TXNDC12: variants seen among roughly 807,000 people sequenced by gnomAD.
TXNDC12 encodes thioredoxin domain containing 12.
A neutral mutation model predicts 24.2 loss-of-function variants in TXNDC12; 22 were observed. The ratio of observed to expected loss-of-function variants is 0.91; its 90% confidence interval spans 0.65 to 1.30. The LOEUF is 1.30. Ranked by LOEUF, TXNDC12 falls within the 50% of genes most tolerant of loss-of-function variation. TXNDC12 has a pLI of 0.00. For synonymous variants in TXNDC12, 58 were observed against 73.4 expected (o/e 0.79, Z 1.07); for missense variants, 184 against 205.8 (o/e 0.89, Z 0.65).
rs1170621660 is a variant in TXNDC12 at position 52,034,146 on chromosome 1, A to T, written c.159-5516T>A. On this transcript the variant is annotated intron_variant, in intron 2 of 6. Transcript: ENST00000371626. ...GGTTCTCCTTCATTCCTCCTCTTAA[A>T]CCTACTGGCTCTCAGTAAATGTTTA... 46 of 925,850 alleles carry T rather than the reference A, an allele frequency of 5.0e-5. No homozygotes were observed. The East Asian group carries it at 1.5e-3, about 30-fold the overall frequency. The allele number at this position is 925,850 out of a possible 1,614,324, so 57.4% of individuals were successfully genotyped here. A position where few individuals can be genotyped will look rare whatever the true frequency, so the allele number is the denominator to read the frequency against.
At chr1:52,038,558 C>G (rs1424920188) in intron 2 of TXNDC12, among the ~76,000 whole-genome samples, 6 of 152,114 alleles carry the variant, frequency 3.9e-5, no homozygotes. Context: ...ATGATCCACC[C>G]GCCTTGGACT....
intron 1 of TXNDC12, among the ~76,000 whole-genome samples, chr1:52,052,987 T>C (rs1426294769): frequency 1.3e-5 from 2 of 151,804 alleles, no homozygotes; most frequent in Non-Finnish European, 2.9e-5. Flanking sequence ...CTCCCGCCTA[T>C]AATCCCAATA....
chr1:52,048,175 G>GCATA (rs1398575916), intron 1 of TXNDC12, among the ~76,000 whole-genome samples: 1 of 152,098 alleles, frequency 6.6e-6, no homozygotes, highest in African/African-American at 2.4e-5. Flanking sequence ...GCTTATAAAA[G>GCATA]CATACCTAGC....
chr1:52,046,894 T>TATATATATATATATA (rs1686106030), intron 1 of TXNDC12, among the ~76,000 whole-genome samples: 1 of 144,902 alleles, frequency 6.9e-6, no homozygotes, highest in African/African-American at 2.6e-5. Flanking sequence ...TATATATATA[T>TATATATATATATATA]TAGCCGGGTA....
intron 2 of TXNDC12, chr1:52,033,210 A>C: frequency 6.2e-7 from 1 of 1,614,188 alleles, no homozygotes; most frequent in Non-Finnish European, 8.5e-7. Flanking sequence ...CAAGAGCTGG[A>C]GACTCCGCAG....
intron 2 of TXNDC12, among the ~76,000 whole-genome samples, chr1:52,036,835 A>G (rs1685891499): frequency 6.6e-6 from 1 of 152,144 alleles, no homozygotes; most frequent in Non-Finnish European, 1.5e-5. Context: ...TTAGCTCTTG[A>G]ATTTATCCAA....
At chr1:52,042,021 C>T (rs1057184106) in intron 1 of TXNDC12, among the ~76,000 whole-genome samples, 3 of 152,184 alleles carry the variant, frequency 2.0e-5, no homozygotes, top group Non-Finnish European at 2.9e-5. Flanking sequence ...CTTCCTATTA[C>T]GTGTGTGAAT....
chr1:52,053,824 A>G (rs1464734452), intron 1 of TXNDC12, among the ~76,000 whole-genome samples: 1 of 152,228 alleles, frequency 6.6e-6, no homozygotes, highest in African/African-American at 2.4e-5. Flanking sequence ...CCTGACCTTC[A>G]TAATTCAAGT....
chr1:52,050,686 G>C (rs1686184641), intron 1 of TXNDC12, among the ~76,000 whole-genome samples: 1 of 152,200 alleles, frequency 6.6e-6, no homozygotes, highest in East Asian at 1.9e-4. Context: ...CAGTCAAACA[G>C]ACCTGCATTA....
intron 3 of TXNDC12, among the ~76,000 whole-genome samples, chr1:52,028,167 AG>A (rs1283561344): frequency 2.3e-4 from 35 of 151,944 alleles, no homozygotes. Context: ...TAGGATTTTA[AG>A]TGCAGCATAC....
chr1:52,026,001 T>C (rs1309509518), intron 4 of TXNDC12, among the ~76,000 whole-genome samples: 1 of 151,888 alleles, frequency 6.6e-6, no homozygotes, highest in Non-Finnish European at 1.5e-5. Context: ...GCTAATTTTT[T>C]TGTATTTTTA....
intron 2 of TXNDC12, chr1:52,033,423 C>T (rs375799302): frequency 6.9e-7 from 1 of 1,451,102 alleles, no homozygotes; most frequent in Non-Finnish European, 9.4e-7. Flanking sequence ...GTCCCGCGAT[C>T]GGGCCGCCGG....
intron 2 of TXNDC12, chr1:52,033,792 C>T: frequency 3.9e-6 from 6 of 1,536,454 alleles, no homozygotes; most frequent in South Asian, 3.7e-5. Context: ...GGCAACCGCG[C>T]TGCGCCAACT....
chr1:52,024,376 C>G, intron 5 of TXNDC12, 134 bp downstream of exon 5: 1 of 681,372 alleles, frequency 1.5e-6, no homozygotes, highest in Non-Finnish European at 2.6e-6. Flanking sequence ...CAGAACTCCC[C>G]CACTCTCTCT....
rs747821489 is a variant in TXNDC12 at position 52,033,998 on chromosome 1, G to GT, written c.159-5369_159-5368insA. The GT allele has an allele frequency of 2.9e-6, 4 of 1,398,532 alleles. No homozygotes were observed. The African/African-American group carries it at 5.8e-5, about 20-fold the overall frequency. The allele number at this position is 1,398,532 out of a possible 1,614,324, so 86.6% of individuals were successfully genotyped here. On this transcript the variant is annotated intron_variant, in intron 2 of 6. Transcript: ENST00000371626. Reference sequence around the variant, plus strand: ...TTATGCCAAATGTTATAGGCCTCAGGAGAATGTGATCTTCCTGCAGCGAAA... The same window carrying GT: ...TTATGCCAAATGTTATAGGCCTCAGGTAGAATGTGATCTTCCTGCAGCGAAA...
intron 1 of TXNDC12, among the ~76,000 whole-genome samples, chr1:52,053,723 AG>A (rs1686266378): frequency 6.6e-6 from 1 of 152,196 alleles, no homozygotes; most frequent in African/African-American, 2.4e-5. Flanking sequence ...TGGGATTGTC[AG>A]TATTTAAAAC....
At chr1:52,026,681 C>T (rs979956763) in intron 4 of TXNDC12, among the ~76,000 whole-genome samples, 8 of 152,180 alleles carry the variant, frequency 5.3e-5, no homozygotes, top group Admixed American at 5.2e-4. Context: ...AGGCAGATCA[C>T]TTAAGGTCAG....
At chr1:52,034,093 A>G (rs1351035602) in intron 2 of TXNDC12, 1 of 1,249,548 alleles carries the variant, frequency 8.0e-7, no homozygotes, top group Non-Finnish European at 1.0e-6. Context: ...CACTATATTT[A>G]GCATATAGAA....
rs186946880 is a variant in TXNDC12 at position 52,028,858 on chromosome 1, T to C, written c.159-228A>G. On this transcript the variant is annotated intron_variant, in intron 2 of 6. Coordinates refer to ENST00000371626, the MANE Select transcript of TXNDC12 (RefSeq NM_015913.4). ...TAAAGTTAGGGAGGGCTGGGCACAG[T>C]GGCTCATGTCTGTAATCCCAGCACT... Among the ~76,000 whole-genome samples the C allele has an allele frequency of 2.8e-4, 42 of 152,298 alleles. 1 individual carries two copies. In the South Asian group the frequency reaches 3.7e-3, roughly 14 times the overall value.
Sources: gnomAD v4.1 joint callset for allele counts (sites outside exome capture counted in the v4.1 genomes callset) on GRCh38, gnomAD v4.1.1 for gene constraint, MANE v1.5 for transcripts, NCBI Gene and HGNC (gene_info 2026-07-23, HGNC 2026-07-21) for gene names.